Variants in PCP4 observed in about 807,000 individuals in gnomAD.
PCP4 encodes the protein Purkinje cell protein 4.
In PCP4, 8 loss-of-function variants were observed where a neutral mutation model predicts 10.0. The observed-to-expected ratio is 0.80, with a 90% CI of 0.47 to 1.45. The LOEUF (loss-of-function observed/expected upper bound fraction) is 1.45, where lower values mean the gene tolerates loss of function less well. Among genes scored for constraint, PCP4 ranks in the 40% most tolerant of loss-of-function variants. The pLI is 0.00. For synonymous variants in PCP4, 21 were observed against 23.0 expected (o/e 0.91, Z 0.24); for missense variants, 54 against 74.4 (o/e 0.73, Z 1.01).
intron 2 of PCP4, among the ~76,000 whole-genome samples, chr21:39,900,192 G>A (rs919126212): frequency 3.9e-5 from 6 of 151,914 alleles, no homozygotes; most frequent in Admixed American, 6.6e-5. Flanking sequence ...CCACCACCAC[G>A]CCTGGCTAAT....
At position 39,892,143 on chromosome 21, in the gene PCP4, C is replaced by T. The variant is rs1324199384; in HGVS notation, c.10-6333C>T. 3.3e-5 allele frequency among the ~76,000 whole-genome samples: 5 copies of T among 152,204 alleles called. 1 individual carries two copies. Among genetic ancestry groups the T allele is most frequent in the African/African-American group, 9.6e-5 (4 of 41,458 alleles). ...ACCGCTTGATCAAGGAGCCCTCAAGCGGCCCCTATGCGGGCGTGACAGAGG... is the reference window on the plus strand; with the variant it reads ...ACCGCTTGATCAAGGAGCCCTCAAGTGGCCCCTATGCGGGCGTGACAGAGG... On this transcript the variant is annotated intron_variant, in intron 1 of 2. Coordinates refer to ENST00000328619, the MANE Select transcript of PCP4 (RefSeq NM_006198.3).
At position 39,906,880 on chromosome 21, in the gene PCP4, T is replaced by C. The variant is rs1291098456; in HGVS notation, c.61+8353T>C. Among the ~76,000 whole-genome samples the C allele has an allele frequency of 6.6e-6, 1 of 152,198 alleles. No individual in the cohort carries two copies. Among genetic ancestry groups the C allele is most frequent in the Non-Finnish European group, 1.5e-5 (1 of 68,040 alleles). ...AGCAGGAGATATTCCAGGTTTCAAA[T>C]GTTTCAGGTTCTGCTTGTCAATTAC... On this transcript the variant is annotated intron_variant, in intron 2 of 2. Coordinates refer to ENST00000328619, the MANE Select transcript of PCP4 (RefSeq NM_006198.3). This position sits in a 1 kb window ranked among gnomAD's most constrained non-coding sequence, Gnocchi z 6.3.
intron 2 of PCP4, among the ~76,000 whole-genome samples, chr21:39,918,975 A>G (rs902952029): frequency 2.0e-5 from 3 of 152,202 alleles, no homozygotes; most frequent in African/African-American, 7.2e-5. Flanking sequence ...ATTAGGTACT[A>G]CGGGTATAAA....
chr21:39,892,580 G>C (rs940108375), intron 1 of PCP4, among the ~76,000 whole-genome samples: 2 of 151,950 alleles, frequency 1.3e-5, no homozygotes, highest in African/African-American at 4.8e-5. Context: ...TTTAATTTTT[G>C]TGGGTACATA....
intron 1 of PCP4, among the ~76,000 whole-genome samples, chr21:39,897,409 G>T (rs550956737): frequency 6.7e-6 from 1 of 148,546 alleles, no homozygotes; most frequent in African/African-American, 2.5e-5. Context: ...AAAAAAGTTA[G>T]AGACTTTATA....
intron 2 of PCP4, among the ~76,000 whole-genome samples, chr21:39,898,938 G>C (rs1486380027): frequency 1.3e-5 from 2 of 152,210 alleles, no homozygotes; most frequent in Non-Finnish European, 2.9e-5. Context: ...GCCCTCCGGA[G>C]CACACACAAT....
intron 1 of PCP4, among the ~76,000 whole-genome samples, chr21:39,890,180 A>G (rs1200601731): frequency 6.6e-6 from 1 of 152,230 alleles, no homozygotes. Flanking sequence ...AAAAGGTTTC[A>G]ATGACTGTAT....
intron 2 of PCP4, among the ~76,000 whole-genome samples, chr21:39,920,541 A>G (rs1338795347): frequency 1.3e-5 from 2 of 152,096 alleles, no homozygotes; most frequent in African/African-American, 4.8e-5. Flanking sequence ...TGGTTCCTCC[A>G]ATGATCTAAC....
At chr21:39,903,559 A>T (rs1485193398) in intron 2 of PCP4, among the ~76,000 whole-genome samples, 1 of 152,180 alleles carries the variant, frequency 6.6e-6, no homozygotes, top group Non-Finnish European at 1.5e-5. Flanking sequence ...GGGATATTCT[A>T]GGAGTACTTA....
chr21:39,876,794 C>T (rs2087348340), intron 1 of PCP4, among the ~76,000 whole-genome samples: 1 of 152,228 alleles, frequency 6.6e-6, no homozygotes, highest in Non-Finnish European at 1.5e-5. Context: ...CCCAGAGGTG[C>T]CGTTGACACT....
chr21:39,874,900 T>C (rs2087337850), intron 1 of PCP4, among the ~76,000 whole-genome samples: 1 of 152,210 alleles, frequency 6.6e-6, no homozygotes, highest in Admixed American at 6.5e-5. Context: ...GCTAAGTGGC[T>C]ACGGGCAGGT....
chr21:39,869,221 G>A (rs2087308140), intron 1 of PCP4, among the ~76,000 whole-genome samples: 2 of 152,178 alleles, frequency 1.3e-5, no homozygotes, highest in Non-Finnish European at 2.9e-5. Context: ...GCCGTCACTT[G>A]CTGAGGCTTC....
intron 2 of PCP4, among the ~76,000 whole-genome samples, chr21:39,903,233 A>G (rs1024681020): frequency 2.0e-5 from 3 of 152,240 alleles, no homozygotes; most frequent in Admixed American, 6.5e-5. Context: ...GGCTTACCCA[A>G]GCTAAATTGA....
chr21:39,888,342 A>G (rs1317046756), intron 1 of PCP4, among the ~76,000 whole-genome samples: 1 of 152,250 alleles, frequency 6.6e-6, no homozygotes, highest in East Asian at 1.9e-4. Flanking sequence ...ACTCAGGAAC[A>G]AATACTTCCT....
At chr21:39,919,143 T>A (rs1325159501) in intron 2 of PCP4, among the ~76,000 whole-genome samples, 3 of 152,210 alleles carry the variant, frequency 2.0e-5, no homozygotes. Context: ...TGGCTTTCTC[T>A]GCCTCAAGGG....
intron 1 of PCP4, among the ~76,000 whole-genome samples, chr21:39,894,238 T>A (rs567281665): frequency 1.3e-5 from 2 of 152,180 alleles, no homozygotes; most frequent in Non-Finnish European, 2.9e-5. Flanking sequence ...GATGTGACTT[T>A]TTCCTCTACT....
intron 1 of PCP4, among the ~76,000 whole-genome samples, chr21:39,896,942 C>G (rs2087459487): frequency 1.3e-5 from 2 of 152,152 alleles, no homozygotes; most frequent in Admixed American, 1.3e-4. Context: ...CGGTGCTCTG[C>G]TGTTTTTTTC....
chr21:39,913,182 T>G (rs1331901990), intron 2 of PCP4, among the ~76,000 whole-genome samples: 1 of 152,178 alleles, frequency 6.6e-6, no homozygotes, highest in Non-Finnish European at 1.5e-5. Flanking sequence ...AAATGACCCA[T>G]CTTTAAAAAG....
intron 1 of PCP4, among the ~76,000 whole-genome samples, chr21:39,882,830 T>A (rs1032359297): frequency 1.3e-5 from 2 of 152,232 alleles, no homozygotes; most frequent in Admixed American, 1.3e-4. Flanking sequence ...CTGTTACTCT[T>A]GGCATCGGGC....
Sources: allele counts gnomAD v4.1 joint callset (sites outside exome capture counted in the v4.1 genomes callset), GRCh38; gene constraint gnomAD v4.1.1; non-coding constraint Gnocchi (gnomAD v3.1); transcripts MANE v1.5; gene names NCBI Gene and HGNC (gene_info 2026-07-23, HGNC 2026-07-21).